Variants in LRBA observed in about 807,000 individuals in gnomAD.
LRBA encodes the protein lipopolysaccharide-responsive and beige-like anchor protein.
LRBA carries 176 observed loss-of-function variants against 330.0 expected under a neutral mutation model. The ratio of observed to expected loss-of-function variants is 0.53; its 90% CI spans 0.47 to 0.60. The LOEUF is 0.60. Among genes scored for constraint, LRBA ranks in the 20% least tolerant of loss-of-function variants. LRBA has a pLI of 0.00. For missense variants in LRBA, 3,259 were observed against 3,444.8 expected, an observed-to-expected ratio of 0.95 and a Z score of 1.35; for synonymous variants, 1,230 against 1,193.0, an observed-to-expected ratio of 1.03 and a Z score of -0.64.
intron 36 of LRBA, among the ~76,000 whole-genome samples, chr4:150,700,431 T>C (rs1785010977): frequency 6.6e-6 from 1 of 152,102 alleles, no homozygotes; most frequent in African/African-American, 2.4e-5. Flanking sequence ...AAAAAAATGG[T>C]ACAGGGCACA....
At chr4:150,461,430 T>C (rs1364598902) in intron 44 of LRBA, among the ~76,000 whole-genome samples, 1 of 151,804 alleles carries the variant, frequency 6.6e-6, no homozygotes, top group Non-Finnish European at 1.5e-5. Context: ...TGCTACGGTA[T>C]CCCATTCATT....
intron 48 of LRBA, among the ~76,000 whole-genome samples, chr4:150,343,287 C>T (rs761477696): frequency 1.3e-5 from 2 of 152,184 alleles, no homozygotes; most frequent in Non-Finnish European, 2.9e-5. Flanking sequence ...TTAACCATCC[C>T]TTCTAACAGT....
intron 40 of LRBA, among the ~76,000 whole-genome samples, chr4:150,497,344 T>A (rs540377653): frequency 6.6e-6 from 1 of 152,286 alleles, no homozygotes; most frequent in Non-Finnish European, 1.5e-5. Flanking sequence ...TTAGAGGTCT[T>A]TTTTGAATTT....
chr4:150,712,636 C>T (rs1261542749), intron 36 of LRBA, among the ~76,000 whole-genome samples: 1 of 151,988 alleles, frequency 6.6e-6, no homozygotes, highest in South Asian at 2.1e-4. Context: ...CTGGCAAGAA[C>T]GAAGCACCAA....
At chr4:150,343,002 A>T (rs1466420532) in intron 48 of LRBA, among the ~76,000 whole-genome samples, 1 of 151,484 alleles carries the variant, frequency 6.6e-6, no homozygotes, top group East Asian at 1.9e-4. Context: ...ATGATATTAA[A>T]GCACCTTAGA....
At chr4:150,352,905 C>A (rs2151824416) in intron 47 of LRBA, among the ~76,000 whole-genome samples, 1 of 152,288 alleles carries the variant, frequency 6.6e-6, no homozygotes, top group South Asian at 2.1e-4. Context: ...TAATGCATGA[C>A]AAACATTAAA....
At chr4:150,471,324 C>G (rs1756104948) in intron 43 of LRBA, among the ~76,000 whole-genome samples, 1 of 152,054 alleles carries the variant, frequency 6.6e-6, no homozygotes, top group African/African-American at 2.4e-5. Context: ...CTCCTTACTC[C>G]CACCAACTGG....
chr4:150,784,682 C>T (rs922350950), intron 34 of LRBA, among the ~76,000 whole-genome samples: 1 of 152,160 alleles, frequency 6.6e-6, no homozygotes, highest in African/African-American at 2.4e-5. Context: ...AGCCCCGCTC[C>T]CTCTGTCTCT....
chr4:150,692,040 T>G (rs913861063), intron 36 of LRBA, among the ~76,000 whole-genome samples: 1 of 152,088 alleles, frequency 6.6e-6, no homozygotes, highest in African/African-American at 2.4e-5. Flanking sequence ...TGGAGAGGAA[T>G]TGACCACAGT....
chr4:150,509,937 G>A (rs1761640211), intron 40 of LRBA, among the ~76,000 whole-genome samples: 1 of 152,154 alleles, frequency 6.6e-6, no homozygotes, highest in Non-Finnish European at 1.5e-5. Context: ...TGGAGTTCGA[G>A]ACCAGCCTGG....
At chr4:150,981,405 T>C (rs1225284202) in intron 2 of LRBA, among the ~76,000 whole-genome samples, 1 of 97,892 alleles carries the variant, frequency 1.0e-5, no homozygotes. Flanking sequence ...GGAGTGAGAC[T>C]GTCTCAAAAA....
intron 34 of LRBA, among the ~76,000 whole-genome samples, chr4:150,776,378 T>C (rs944901030): frequency 6.6e-6 from 1 of 151,986 alleles, no homozygotes; most frequent in South Asian, 2.1e-4. Context: ...CCAAAAACAT[T>C]TGAAAGATGT....
intron 36 of LRBA, among the ~76,000 whole-genome samples, chr4:150,712,909 C>T (rs1786373000): frequency 1.3e-5 from 2 of 152,030 alleles, no homozygotes; most frequent in Non-Finnish European, 2.9e-5. Context: ...TTTCGAAAAG[C>T]CACAAAGAAA....
At chr4:150,891,178 A>G (rs1041437823) in intron 17 of LRBA, among the ~76,000 whole-genome samples, 24 of 152,224 alleles carry the variant, frequency 1.6e-4, no homozygotes, top group African/African-American at 5.8e-4. Flanking sequence ...CATACGACCT[A>G]TCCATTACAT....
intron 37 of LRBA, among the ~76,000 whole-genome samples, chr4:150,617,007 G>A (rs1409905581): frequency 6.6e-6 from 1 of 152,126 alleles, no homozygotes; most frequent in African/African-American, 2.4e-5. Context: ...ACCTGCAAAG[G>A]CAAGTTTAGT....
intron 40 of LRBA, among the ~76,000 whole-genome samples, chr4:150,533,548 GA>G: frequency 6.6e-6 from 1 of 151,990 alleles, no homozygotes; most frequent in Non-Finnish European, 1.5e-5. Context: ...GTTGTTGTTT[GA>G]AGGGCATGTG....
At chr4:150,430,859 C>A (rs985689711) in intron 46 of LRBA, among the ~76,000 whole-genome samples, 5 of 152,026 alleles carry the variant, frequency 3.3e-5, no homozygotes, top group African/African-American at 1.2e-4. Flanking sequence ...TGTTCTAGTA[C>A]CAAGTAGTAA....
chr4:150,893,023 C>T, intron 17 of LRBA, 29 bp downstream of exon 17: 2 of 1,342,822 alleles, frequency 1.5e-6, no homozygotes, highest in South Asian at 2.5e-5. Context: ...AAACTAATCC[C>T]TTATATGAAA....
At chr4:150,791,829 C>A (rs1045176874) in intron 34 of LRBA, among the ~76,000 whole-genome samples, 2 of 151,814 alleles carry the variant, frequency 1.3e-5, no homozygotes, top group Non-Finnish European at 2.9e-5. Context: ...GAGATCGAGA[C>A]CATCCTGGCT....
Sources: gnomAD v4.1 joint callset for allele counts (sites outside exome capture counted in the v4.1 genomes callset) on GRCh38, gnomAD v4.1.1 for gene constraint, MANE v1.5 for transcripts, NCBI Gene and HGNC (gene_info 2026-07-23, HGNC 2026-07-21) for gene names.